The following HNRNPR variants were observed in gnomAD, a reference collection of about 807,000 sequenced individuals.
HNRNPR encodes heterogeneous nuclear ribonucleoprotein R.
Under a neutral mutation model 70.3 loss-of-function variants are expected in HNRNPR, and 4 were observed. That is an observed-to-expected ratio of 0.06 (90% CI 0.03 to 0.13). HNRNPR has a LOEUF of 0.13. HNRNPR is among the 10% of genes least tolerant of loss of function. The probability of loss-of-function intolerance (pLI) is 1.00; values close to 1 mark genes in which losing one functional copy is unlikely to be tolerated. For missense variants in HNRNPR, 423 were observed against 788.5 expected, an observed-to-expected ratio of 0.54 and a Z score of 5.55; for synonymous variants, 241 against 267.6, an observed-to-expected ratio of 0.90 and a Z score of 0.97.
At chr1:23,329,003 C>A (rs1646112484) in intron 5 of HNRNPR, among the ~76,000 whole-genome samples, 1 of 152,178 alleles carries the variant, frequency 6.6e-6, no homozygotes, top group African/African-American at 2.4e-5. Flanking sequence ...TACCTGTAAT[C>A]CCAGTTACTT....
rs757290605 is a variant in HNRNPR at position 23,323,680 on chromosome 1, A to G, written c.551T>C (p.Leu184Pro). The change falls in exon 6 of 11, where the codon CTT becomes CCT. Residue 184 changes from leucine to proline, a missense_variant. Transcript: ENST00000302271. ...CCAAATGGGTCCGGCCTTCTCAAAA[A>G]GGGGCACCAACTCATCCTCATATAA... ...RDLYEDELVP[L>P]FEKAGPIWDL... 1 of 1,614,138 alleles carries G rather than the reference A, an allele frequency of 6.2e-7. No individual in the cohort carries two copies. Among genetic ancestry groups the G allele is most frequent in the South Asian group, 1.1e-5 (1 of 91,074 alleles).
intron 5 of HNRNPR, among the ~76,000 whole-genome samples, chr1:23,328,444 T>C (rs978231969): frequency 2.0e-5 from 3 of 152,222 alleles, no homozygotes; most frequent in African/African-American, 7.2e-5. Context: ...TTTTCGGTTA[T>C]ACTGGATTCA....
chr1:23,340,278 T>A (rs1646661790), intron 2 of HNRNPR, among the ~76,000 whole-genome samples: 3 of 151,864 alleles, frequency 2.0e-5, no homozygotes, highest in Admixed American at 2.0e-4. Context: ...TGTTCAAATT[T>A]GCTTAAGCAC....
chr1:23,317,440 A>G (rs1645590671), intron 8 of HNRNPR, among the ~76,000 whole-genome samples: 1 of 151,984 alleles, frequency 6.6e-6, no homozygotes, highest in South Asian at 2.1e-4. Flanking sequence ...CCTGGGACAA[A>G]GCAAGACTCC....
At chr1:23,337,654 C>CAAAAAAAAAAAAAAAAA (rs372423149) in intron 4 of HNRNPR, 100 bp downstream of exon 4, 9 of 626,594 alleles carry the variant, frequency 1.4e-5, no homozygotes, top group African/African-American at 8.9e-5. Context: ...GACTCCGTCT[C>CAAAAAAAAAAAAAAAAA]AAAAAAAAAA....
chr1:23,309,274 G>GT lies in HNRNPR; in HGVS notation c.*1179dup, dbSNP rs1463043484. On this transcript the variant is annotated 3_prime_UTR_variant, in exon 11 of 11. Transcript: ENST00000302271. ...AATAGGAAATTATATTCCTAAACCA[G>GT]TAACTGAAATGGTAGTCACGATCAT... The GT allele has an allele frequency of 6.6e-6, 1 of 152,140 alleles. No homozygotes were observed. The highest frequency in any genetic ancestry group is 1.9e-4 in the East Asian group (1 of 5,202). 9.4% of individuals were successfully genotyped at this position (152,140 alleles called of 1,614,324 possible).
intron 1 of HNRNPR, among the ~76,000 whole-genome samples, chr1:23,343,581 G>A (rs1258403301): frequency 6.6e-6 from 1 of 152,180 alleles, no homozygotes; most frequent in Non-Finnish European, 1.5e-5. Flanking sequence ...CATTTCAGGC[G>A]CCGCTTGGAG....
chr1:23,340,625 G>C (rs1160955464), intron 2 of HNRNPR, among the ~76,000 whole-genome samples: 1 of 152,130 alleles, frequency 6.6e-6, no homozygotes, highest in Non-Finnish European at 1.5e-5. Context: ...TCGATGTGCT[G>C]TTCTGAAACA....
intron 7 of HNRNPR, among the ~76,000 whole-genome samples, chr1:23,321,055 C>T (rs547236219): frequency 6.7e-6 from 1 of 150,276 alleles, no homozygotes; most frequent in South Asian, 2.1e-4. Flanking sequence ...CCCAGCTACT[C>T]GGGAGGCTGA....
intron 8 of HNRNPR, among the ~76,000 whole-genome samples, chr1:23,315,279 C>CAA (rs1165980444): frequency 0.012 from 409 of 35,316 alleles, 15 homozygotes; most frequent in Middle Eastern, 0.04. Flanking sequence ...GGCTCCGTCT[C>CAA]AAAAAAAAAA....
chr1:23,331,693 G>A (rs1055231804), intron 5 of HNRNPR, among the ~76,000 whole-genome samples: 11 of 151,600 alleles, frequency 7.3e-5, no homozygotes, highest in Non-Finnish European at 1.2e-4. Flanking sequence ...AAATAGCTGG[G>A]TTTGGTGGCA....
Position 23,309,531 on chromosome 1 carries a change from T to C in HNRNPR, c.*923A>G, listed in dbSNP as rs900978854. 21 of 152,112 alleles carry C rather than the reference T, an allele frequency of 1.4e-4. No homozygotes were observed. The highest frequency in any genetic ancestry group is 2.6e-4 in the Non-Finnish European group (18 of 67,978). The allele number at this position is 152,112 out of a possible 1,614,324, so 9.4% of individuals were successfully genotyped here. ...AAAAGTCTATGAACCTGTTTTTTTT[T>C]TTTTAATAAAAGATAAAATTTCAAA... On this transcript the variant is annotated 3_prime_UTR_variant, in exon 11 of 11. Coordinates refer to ENST00000302271, the MANE Select transcript of HNRNPR (RefSeq NM_005826.5).
In HNRNPR at chr1:23,310,042, T is replaced by C. The variant is rs1569867802; in HGVS notation, c.*412A>G. 1 of 154,678 alleles carries C rather than the reference T, an allele frequency of 6.5e-6. No homozygotes were observed. Among genetic ancestry groups the C allele is most frequent in the South Asian group, 2.1e-4 (1 of 4,856 alleles). 9.6% of individuals were successfully genotyped at this position (154,678 alleles called of 1,614,324 possible). ...TTTGTTTGCTTTAATTTCTTAAAAC[T>C]ACTAAGACAAAGCACTAGCTTGTAT... On this transcript the variant is annotated 3_prime_UTR_variant, in exon 11 of 11. Coordinates refer to ENST00000302271, the MANE Select transcript of HNRNPR (RefSeq NM_005826.5). This position sits in a 1 kb window ranked among gnomAD's most constrained non-coding sequence, Gnocchi z 6.0.
In HNRNPR at chr1:23,318,988, G is replaced by T; in HGVS notation, c.812-300C>A. On this transcript the variant is annotated intron_variant, in intron 7 of 10. Transcript: ENST00000302271. The surrounding 1 kb of genome is among the most constrained non-coding windows in gnomAD (Gnocchi z 4.2). Reference sequence around the variant, plus strand: ...TTTGATATAACATGACTTTATTAAAGCACTAACAAGGATCTTAAAAACAAA... The same window carrying T: ...TTTGATATAACATGACTTTATTAAATCACTAACAAGGATCTTAAAAACAAA... Among the ~76,000 whole-genome samples the T allele has an allele frequency of 6.6e-6, 1 of 152,100 alleles. No individual in the cohort carries two copies. The highest frequency in any genetic ancestry group is 1.5e-5 in the Non-Finnish European group (1 of 68,002).
chr1:23,334,618 A>T (rs575424504), intron 4 of HNRNPR, among the ~76,000 whole-genome samples: 93 of 152,288 alleles, frequency 6.1e-4, no homozygotes, highest in African/African-American at 2.0e-3. Context: ...CATAAGCTCC[A>T]CAAGAATCAG....
In HNRNPR at chr1:23,310,998, C is replaced by A. The variant is rs776523472; in HGVS notation, c.1358G>T (p.Gly453Val). The stretch of plus-strand genomic sequence containing the variant: ...AGGGTAGCCATATCCACCTCTCCCC[C>A]CACCACGACCCCGACCTCTAATTGG... ...PPPIRGRGRG[G>V]GRGGYGYPPD... is the part of the protein sequence containing the mutation. Residue 453 changes from glycine (G) to valine (V), a missense_variant, in exon 11 of 11, where the codon GGG (glycine) becomes GTG (valine). Gly to Val is a moderately radical substitution (Grantham distance 109, BLOSUM62 -3). Around this residue, in one of 7 missense-constraint regions of HNRNPR, gnomAD observed 169 missense variants for 195.6 expected, o/e 0.86. Coordinates refer to ENST00000302271, the MANE Select transcript of HNRNPR (RefSeq NM_005826.5). This position sits in a 1 kb window ranked among gnomAD's most constrained non-coding sequence, Gnocchi z 6.0. 2.5e-6 allele frequency: 4 copies of A among 1,614,078 alleles called. No homozygotes were observed. The African/African-American group carries it at 4.0e-5, about 16-fold the overall frequency.
chr1:23,311,170 C>T, intron 10 of HNRNPR, 31 bp downstream of exon 10: 1 of 1,612,182 alleles, frequency 6.2e-7, no homozygotes, highest in Middle Eastern at 1.7e-4. Flanking sequence ...ATTCCTTGTC[C>T]AAAGATATAT....
chr1:23,340,709 G>A, intron 2 of HNRNPR, 143 bp downstream of exon 2: 1 of 647,322 alleles, frequency 1.5e-6, no homozygotes, highest in Non-Finnish European at 2.6e-6. Context: ...AACCCAATAT[G>A]CCTTCAATGA....
chr1:23,343,929 G>A (rs963867358), intron 1 of HNRNPR, among the ~76,000 whole-genome samples: 5 of 152,248 alleles, frequency 3.3e-5, no homozygotes, highest in African/African-American at 1.2e-4. Flanking sequence ...GCGGAGGCGG[G>A]AAAAGCACGG....
Sources: allele counts gnomAD v4.1 joint callset (sites outside exome capture counted in the v4.1 genomes callset), GRCh38; gene constraint gnomAD v4.1.1; regional missense constraint gnomAD v4.1.1; non-coding constraint Gnocchi (gnomAD v3.1); transcripts MANE v1.5; gene names NCBI Gene and HGNC (gene_info 2026-07-23, HGNC 2026-07-21).